The following ABHD3 variants were observed in gnomAD, a reference collection of about 807,000 sequenced individuals.
ABHD3 encodes the protein abhydrolase domain containing 3, phospholipase.
In ABHD3, 46 loss-of-function variants were observed where a neutral mutation model predicts 48.8. The observed-to-expected ratio is 0.94, with a 90% CI of 0.74 to 1.20. ABHD3 has a LOEUF of 1.20. ABHD3 is among the 50% of genes most tolerant of loss of function. The pLI, the probability that ABHD3 is intolerant of heterozygous loss-of-function variation, is 0.00. For missense variants in ABHD3, 490 were observed against 497.8 expected, an observed-to-expected ratio of 0.98 and a Z score of 0.15; for synonymous variants, 192 against 183.7, an observed-to-expected ratio of 1.04 and a Z score of -0.36.
At chr18:21,675,259 T>TG in intron 4 of ABHD3, among the ~76,000 whole-genome samples, 1 of 124,890 alleles carries the variant, frequency 8.0e-6, no homozygotes. Flanking sequence ...TGGAATGAGG[T>TG]GGGTTTTTTT....
chr18:21,689,574 A>AAAAAAAAAAT (rs1555681996), intron 3 of ABHD3, among the ~76,000 whole-genome samples: 1 of 148,608 alleles, frequency 6.7e-6, no homozygotes, highest in Non-Finnish European at 1.5e-5. Context: ...AAAAAAAAAA[A>AAAAAAAAAAT]GGGAAATGCT....
intron 8 of ABHD3, among the ~76,000 whole-genome samples, chr18:21,655,802 C>T (rs1031863603): frequency 1.3e-5 from 2 of 149,190 alleles, no homozygotes; most frequent in African/African-American, 4.9e-5. Flanking sequence ...TGCACTCCAG[C>T]CTGGGTGGCA....
chr18:21,670,936 C>T (rs982075802), intron 4 of ABHD3, among the ~76,000 whole-genome samples: 12 of 152,172 alleles, frequency 7.9e-5, no homozygotes, highest in African/African-American at 1.2e-4. Flanking sequence ...ATTGCTTGAA[C>T]TCGGGAAGCA....
At chr18:21,688,504 G>A (rs2040176264) in intron 3 of ABHD3, among the ~76,000 whole-genome samples, 1 of 150,728 alleles carries the variant, frequency 6.6e-6, no homozygotes, top group Non-Finnish European at 1.5e-5. Context: ...AATATTTACT[G>A]AACTAAAGAT....
At chr18:21,687,295 G>A (rs924736157) in intron 3 of ABHD3, among the ~76,000 whole-genome samples, 15 of 150,374 alleles carry the variant, frequency 1.0e-4, no homozygotes, top group African/African-American at 3.2e-4. Flanking sequence ...TGCAAGCTCC[G>A]CCTCCTGGGT....
In ABHD3 at chr18:21,703,593, T is replaced by TTC; in HGVS notation, c.316_317insGA (p.Gln106ArgfsTer56). The TTC allele has an allele frequency of 6.2e-7, 1 of 1,611,478 alleles. No individual in the cohort carries two copies. The highest frequency in any genetic ancestry group is 8.5e-7 in the Non-Finnish European group (1 of 1,177,816). ...ACGGAAATTCACTTACTTCCTGTAC[T>TTC]GCACCGGGGGCTTCGAAGTGATGAA... is the stretch of plus-strand genomic sequence containing the variant. On this transcript the variant is annotated frameshift_variant, in exon 2 of 9. Transcript: ENST00000289119. LOFTEE classifies it high-confidence loss of function.
intron 3 of ABHD3, among the ~76,000 whole-genome samples, chr18:21,690,136 A>C (rs2040215285): frequency 1.3e-5 from 2 of 152,034 alleles, no homozygotes; most frequent in African/African-American, 4.8e-5. Context: ...AAAAAAAAAG[A>C]AAATCTCAGC....
At chr18:21,689,666 A>C (rs961793801) in intron 3 of ABHD3, among the ~76,000 whole-genome samples, 2 of 151,984 alleles carry the variant, frequency 1.3e-5, no homozygotes, top group African/African-American at 4.8e-5. Context: ...AAATCTTAGA[A>C]TGGATACACA....
intron 5 of ABHD3, among the ~76,000 whole-genome samples, chr18:21,662,850 A>T (rs1420563468): frequency 6.6e-6 from 1 of 152,238 alleles, no homozygotes; most frequent in Non-Finnish European, 1.5e-5. Context: ...AGCATTGAAT[A>T]GAGAATCTGA....
At chr18:21,679,365 A>G (rs2039957186) in intron 4 of ABHD3, among the ~76,000 whole-genome samples, 1 of 152,226 alleles carries the variant, frequency 6.6e-6, no homozygotes, top group Non-Finnish European at 1.5e-5. Context: ...AAGGATGTAG[A>G]ATAACCAAAG....
intron 3 of ABHD3, chr18:21,701,577 C>T (rs1402958138): frequency 6.6e-6 from 1 of 152,044 alleles, no homozygotes. Flanking sequence ...AAAGATACAA[C>T]TCTACTTTAA....
chr18:21,653,737 TA>T (rs11361855), intron 8 of ABHD3, among the ~76,000 whole-genome samples: 47,044 of 120,304 alleles, frequency 0.39, 11,599 homozygotes, highest in African/African-American at 0.71. Flanking sequence ...CAAAAAATGT[TA>T]AAAAAAAAAA....
At chr18:21,667,805 AACTG>A (rs895683875) in intron 4 of ABHD3, among the ~76,000 whole-genome samples, 2 of 152,256 alleles carry the variant, frequency 1.3e-5, no homozygotes, top group African/African-American at 2.4e-5. Flanking sequence ...AACAGCTACT[AACTG>A]ACTATGCTCC....
intron 4 of ABHD3, among the ~76,000 whole-genome samples, chr18:21,675,951 C>A (rs2039873418): frequency 6.6e-6 from 1 of 152,102 alleles, no homozygotes; most frequent in African/African-American, 2.4e-5. Flanking sequence ...TCATTAATGG[C>A]AATGTATTAT....
intron 3 of ABHD3, among the ~76,000 whole-genome samples, chr18:21,699,310 T>C (rs1165019556): frequency 2.6e-5 from 4 of 152,164 alleles, no homozygotes; most frequent in Non-Finnish European, 5.9e-5. Flanking sequence ...AAAGTGGCAG[T>C]TCGAACATTT....
chr18:21,704,705 G>A lies in ABHD3; in HGVS notation c.-40C>T. ...GCGCGCGGGTCCTGCGGCGGGAGGA[G>A]AGCCGGCTGGCGAGCGGGCGAGAGC... is the stretch of plus-strand genomic sequence containing the variant. On this transcript the variant is annotated 5_prime_UTR_variant, in exon 1 of 9. Coordinates refer to ENST00000289119, the MANE Select transcript of ABHD3 (RefSeq NM_138340.5). 7.2e-7 allele frequency: 1 copy of A among 1,398,186 alleles called. No homozygotes were observed. The highest frequency in any genetic ancestry group is 1.6e-5 in the South Asian group (1 of 61,646). 86.6% of individuals were successfully genotyped at this position (1,398,186 alleles called of 1,614,324 possible). A position where few individuals can be genotyped will look rare whatever the true frequency, so the allele number is the denominator to read the frequency against.
chr18:21,698,319 G>A (rs1003092702), intron 3 of ABHD3, among the ~76,000 whole-genome samples: 1 of 151,740 alleles, frequency 6.6e-6, no homozygotes, highest in African/African-American at 2.4e-5. Context: ...CCAAGTTGCT[G>A]GGATTACAGG....
intron 3 of ABHD3, among the ~76,000 whole-genome samples, chr18:21,693,564 G>T (rs1038115919): frequency 1.3e-5 from 2 of 152,214 alleles, no homozygotes; most frequent in Non-Finnish European, 2.9e-5. Flanking sequence ...GTCCCTGAAG[G>T]TTTAATTGAG....
intron 3 of ABHD3, 36 bp from the exon 4 acceptor site, chr18:21,684,001 A>C (rs1480747704): frequency 1.3e-6 from 2 of 1,563,410 alleles, no homozygotes; most frequent in Non-Finnish European, 1.7e-6. Flanking sequence ...TTATTTTTAC[A>C]CATGATTCTT....
Sources: allele counts gnomAD v4.1 joint callset (sites outside exome capture counted in the v4.1 genomes callset), GRCh38; gene constraint gnomAD v4.1.1; transcripts MANE v1.5; gene names NCBI Gene and HGNC (gene_info 2026-07-23, HGNC 2026-07-21).